The following LIFR variants were observed in gnomAD, a reference collection of about 807,000 sequenced individuals.
LIFR encodes LIF receptor subunit alpha.
Under a neutral mutation model 122.2 loss-of-function variants are expected in LIFR, and 84 were observed. The ratio of observed to expected loss-of-function variants is 0.69; its 90% CI spans 0.58 to 0.82. LIFR has a LOEUF of 0.82. LIFR is among the 40% of genes least tolerant of loss of function. The pLI is 0.00. For missense variants in LIFR, 1,294 were observed against 1,311.6 expected, an observed-to-expected ratio of 0.99 and a Z score of 0.21; for synonymous variants, 422 against 434.7, an observed-to-expected ratio of 0.97 and a Z score of 0.36.
intron 2 of LIFR, among the ~76,000 whole-genome samples, chr5:38,604,355 G>C (rs1307060729): frequency 1.3e-5 from 2 of 152,184 alleles, no homozygotes; most frequent in African/African-American, 4.8e-5. Flanking sequence ...CCCAGAGACA[G>C]CCATTTGTTT....
intron 1 of LIFR, among the ~76,000 whole-genome samples, chr5:38,576,148 G>A (rs1202283916): frequency 6.6e-6 from 1 of 152,074 alleles, no homozygotes; most frequent in East Asian, 1.9e-4. Context: ...CTCTATGGTA[G>A]GGATAAAAGA....
intron 1 of LIFR, among the ~76,000 whole-genome samples, chr5:38,571,127 A>G (rs1004254012): frequency 6.6e-6 from 1 of 152,208 alleles, no homozygotes; most frequent in African/African-American, 2.4e-5. Flanking sequence ...GTAGGCTGCA[A>G]CTTGATCTTC....
chr5:38,527,367 C>T (rs1204394552), intron 3 of LIFR, 73 bp from the exon 4 acceptor site: 3 of 978,108 alleles, frequency 3.1e-6, no homozygotes, highest in Non-Finnish European at 4.8e-6. Context: ...TTGGTTAACA[C>T]AAAATACAAT....
chr5:38,535,010 C>G (rs1191986009), intron 1 of LIFR, among the ~76,000 whole-genome samples: 1 of 152,126 alleles, frequency 6.6e-6, no homozygotes, highest in Non-Finnish European at 1.5e-5. Flanking sequence ...TGCAAAATGT[C>G]AAAAGATGTA....
chr5:38,540,104 T>G (rs1747505651), intron 1 of LIFR, among the ~76,000 whole-genome samples: 1 of 152,160 alleles, frequency 6.6e-6, no homozygotes, highest in Non-Finnish European at 1.5e-5. Context: ...TCAGGAGTCC[T>G]GGACTCCAGT....
chr5:38,502,534 C>G (rs1304810395), intron 11 of LIFR, 103 bp downstream of exon 11: 1 of 958,180 alleles, frequency 1.0e-6, no homozygotes, highest in Non-Finnish European at 1.7e-6. Flanking sequence ...GCTGGGATTA[C>G]AGGTGTGACC....
At chr5:38,608,230 G>A (rs1750372001) in exon 1 of LIFR, 1 of 151,970 alleles carries the variant, frequency 6.6e-6, no homozygotes, top group African/African-American at 2.4e-5. Flanking sequence ...TATTACTGAG[G>A]TCTTATACTT....
At chr5:38,528,326 T>TTCC (rs1746801574) in intron 3 of LIFR, among the ~76,000 whole-genome samples, 1 of 152,144 alleles carries the variant, frequency 6.6e-6, no homozygotes. Flanking sequence ...CAGAACTAAC[T>TTCC]TCCTCTCTGT....
chr5:38,532,840 G>A (rs1747087958), intron 1 of LIFR, among the ~76,000 whole-genome samples: 1 of 152,178 alleles, frequency 6.6e-6, no homozygotes, highest in Non-Finnish European at 1.5e-5. Flanking sequence ...GCTCACTCCT[G>A]ATAGAAACAT....
chr5:38,530,217 G>C, intron 2 of LIFR, among the ~76,000 whole-genome samples: 1 of 152,102 alleles, frequency 6.6e-6, no homozygotes, highest in East Asian at 1.9e-4. Context: ...GATTGTGCTG[G>C]TGGTTACATA....
At position 38,502,233 on chromosome 5, in the gene LIFR, C is replaced by T. The variant is rs540205034; in HGVS notation, c.1600+404G>A. 3.9e-5 allele frequency among the ~76,000 whole-genome samples: 6 copies of T among 152,040 alleles called. 1 individual carries two copies. In the South Asian group the frequency reaches 1.2e-3, roughly 32 times the overall value. On this transcript the variant is annotated intron_variant, in intron 11 of 19. Coordinates refer to ENST00000453190, the MANE Select transcript of LIFR (RefSeq NM_001127671.2). ...TTACATAATTTATCTAAACATTCCC[C>T]CACCTTTAAGGACTCTAATAGCATT...
intron 5 of LIFR, among the ~76,000 whole-genome samples, chr5:38,523,181 T>C (rs548715358): frequency 6.6e-6 from 1 of 152,306 alleles, no homozygotes; most frequent in East Asian, 1.9e-4. Flanking sequence ...TATTTTCAAG[T>C]GGTAGAATCA....
At chr5:38,527,121 T>TA (rs1746729684) in intron 4 of LIFR, 34 bp downstream of exon 4, 9 of 1,552,340 alleles carry the variant, frequency 5.8e-6, no homozygotes, top group Non-Finnish European at 7.9e-6. Flanking sequence ...ACACTTGACT[T>TA]ACTTTAAAAT....
intron 9 of LIFR, among the ~76,000 whole-genome samples, chr5:38,504,890 A>G (rs993358056): frequency 8.5e-5 from 13 of 152,162 alleles, no homozygotes; most frequent in Non-Finnish European, 1.9e-4. Context: ...ATCATCTACT[A>G]ATCAGCTGTG....
intron 1 of LIFR, among the ~76,000 whole-genome samples, chr5:38,552,071 G>T (rs1264885373): frequency 2.6e-5 from 4 of 152,168 alleles, no homozygotes; most frequent in Non-Finnish European, 5.9e-5. Flanking sequence ...CTTCTTTACT[G>T]AAGACTGAGG....
In LIFR at chr5:38,477,980, T is replaced by C. The variant is rs1743803671; in HGVS notation, c.*3615A>G. The C allele has an allele frequency of 4.7e-6, 1 of 211,404 alleles. No individual in the cohort carries two copies. The highest frequency in any genetic ancestry group is 9.6e-6 in the Non-Finnish European group (1 of 104,194). 13.1% of individuals were successfully genotyped at this position (211,404 alleles called of 1,614,324 possible). ...AAAAAATTTTATTAGATTATATACC[T>C]GAGCAATAGAAAACTTCGAGATAAC... On this transcript the variant is annotated 3_prime_UTR_variant, in exon 20 of 20. Transcript: ENST00000453190.
At chr5:38,485,160 T>G (rs1406683100) in intron 17 of LIFR, among the ~76,000 whole-genome samples, 3 of 152,140 alleles carry the variant, frequency 2.0e-5, no homozygotes, top group African/African-American at 7.2e-5. Context: ...CTACTGGAAG[T>G]TTAACAGCAT....
chr5:38,499,383 T>C, intron 12 of LIFR, 130 bp downstream of exon 12: 1 of 697,404 alleles, frequency 1.4e-6, no homozygotes, highest in East Asian at 2.7e-5. Flanking sequence ...GGAACCAGGT[T>C]AGATTCTCAC....
intron 11 of LIFR, among the ~76,000 whole-genome samples, chr5:38,501,486 G>A (rs975967556): frequency 6.6e-6 from 1 of 152,132 alleles, no homozygotes; most frequent in African/African-American, 2.4e-5. Flanking sequence ...GGGCACAGTG[G>A]CTCACGCCTG....
Sources: allele counts gnomAD v4.1 joint callset (sites outside exome capture counted in the v4.1 genomes callset), GRCh38; gene constraint gnomAD v4.1.1; transcripts MANE v1.5; gene names NCBI Gene and HGNC (gene_info 2026-07-23, HGNC 2026-07-21).